Variants in SETBP1 observed in about 807,000 individuals in gnomAD.
The protein encoded by SETBP1 is SET binding protein 1.
SETBP1 carries 9 observed loss-of-function variants against 101.0 expected under a neutral mutation model. The ratio of observed to expected loss-of-function variants is 0.09; its 90% CI spans 0.05 to 0.16. The LOEUF (loss-of-function observed/expected upper bound fraction) is 0.16. Ranked by LOEUF, SETBP1 falls within the 10% of genes least tolerant of loss-of-function variation. SETBP1 has a pLI of 1.00. For missense variants in SETBP1, 1,858 were observed against 2,033.8 expected (o/e 0.91, Z 1.66); for synonymous variants, 818 against 788.5 (o/e 1.04, Z -0.63).
chr18:44,924,170 A>C (rs780628937), intron 3 of SETBP1, among the ~76,000 whole-genome samples: 2 of 152,188 alleles, frequency 1.3e-5, no homozygotes, highest in Non-Finnish European at 2.9e-5. Context: ...GCTTGCACTA[A>C]GAGGGCAACT....
At chr18:44,993,420 C>G (rs1485994309) in intron 4 of SETBP1, among the ~76,000 whole-genome samples, 1 of 151,890 alleles carries the variant, frequency 6.6e-6, no homozygotes, top group African/African-American at 2.4e-5. Flanking sequence ...AATATATAAA[C>G]AAGTTATCAA....
chr18:44,694,432 G>A (rs1357311237), intron 1 of SETBP1, among the ~76,000 whole-genome samples: 2 of 152,132 alleles, frequency 1.3e-5, no homozygotes, highest in East Asian at 1.9e-4. Context: ...GGCTGGTCTC[G>A]AACTCCTGAC....
At chr18:45,027,642 G>C (rs965500537) in intron 4 of SETBP1, among the ~76,000 whole-genome samples, 5 of 152,188 alleles carry the variant, frequency 3.3e-5, no homozygotes, top group Non-Finnish European at 5.9e-5. Context: ...CAATCACTAA[G>C]TGTAGTGCTA....
chr18:44,757,532 A>G (rs1249745828), intron 2 of SETBP1, among the ~76,000 whole-genome samples: 2 of 152,198 alleles, frequency 1.3e-5, no homozygotes, highest in Non-Finnish European at 2.9e-5. Flanking sequence ...CCTCCACTAC[A>G]GTTAACTGGA....
At chr18:45,033,412 C>A (rs527988055) in intron 4 of SETBP1, among the ~76,000 whole-genome samples, 1 of 152,276 alleles carries the variant, frequency 6.6e-6, no homozygotes, top group Admixed American at 6.5e-5. Flanking sequence ...GCCTCTTGTC[C>A]TCCACAGGGA....
rs2069195423 is a variant in SETBP1 at position 44,868,718 on chromosome 18, GGAAGGA to G, written c.487-511_487-506del. 4.8e-4 allele frequency among the ~76,000 whole-genome samples: 4 copies of G among 8,298 alleles called. 1 individual carries two copies. Among genetic ancestry groups the G allele is most frequent in the Non-Finnish European group, 2.2e-3 (4 of 1,838 alleles). 5.4% of individuals were successfully genotyped at this position (8,298 alleles called of 152,430 possible). A position where few individuals can be genotyped will look rare whatever the true frequency, so the allele number is the denominator to read the frequency against. On this transcript the variant is annotated intron_variant, in intron 2 of 5. Coordinates refer to ENST00000649279, the MANE Select transcript of SETBP1 (RefSeq NM_015559.3). Reference sequence around the variant, plus strand: ...AGAGAGGACGGAAGGAAGGGAGGAAGGAAGGAAGGAAGGAAGGAAGGAAGGAAGGAA... The same window carrying G: ...AGAGAGGACGGAAGGAAGGGAGGAAGAGGAAGGAAGGAAGGAAGGAAGGAA...
intron 2 of SETBP1, among the ~76,000 whole-genome samples, chr18:44,814,203 C>T (rs2071925383): frequency 6.6e-6 from 1 of 152,148 alleles, no homozygotes; most frequent in Non-Finnish European, 1.5e-5. Context: ...GTAGAATCTT[C>T]TAGAAACTAC....
At chr18:44,910,477 T>C (rs1278832686) in intron 3 of SETBP1, among the ~76,000 whole-genome samples, 1 of 152,168 alleles carries the variant, frequency 6.6e-6, no homozygotes, top group Non-Finnish European at 1.5e-5. Flanking sequence ...ACAACCTATT[T>C]CCCCTTCTGT....
At chr18:44,794,103 C>A (rs536338937) in intron 2 of SETBP1, among the ~76,000 whole-genome samples, 2 of 152,252 alleles carry the variant, frequency 1.3e-5, no homozygotes, top group Admixed American at 1.3e-4. Flanking sequence ...TAACAGCCTG[C>A]AGAGTATGAA....
intron 4 of SETBP1, among the ~76,000 whole-genome samples, chr18:45,037,238 C>A (rs187905174): frequency 2.6e-4 from 39 of 152,228 alleles, no homozygotes; most frequent in African/African-American, 9.1e-4. Flanking sequence ...GATTCACATA[C>A]CCTTAGCCTC....
chr18:45,063,159 A>G lies in SETBP1; in HGVS notation c.4252A>G (p.Thr1418Ala). 1 of 1,614,028 alleles carries G rather than the reference A, an allele frequency of 6.2e-7. No individual in the cohort carries two copies. The highest frequency in any genetic ancestry group is 8.5e-7 in the Non-Finnish European group (1 of 1,180,006). The part of the protein sequence containing the change: ...QCEVRKMCNY[T>A]KILSTKKNLD... ...CGAAGTGCGGAAGATGTGCAACTAC[A>G]CCAAGATCCTGTCCACCAAGAAGAA... Residue 1418 changes from threonine to alanine, a missense_variant, in exon 6 of 6, where the codon ACC becomes GCC. By Grantham distance (58) the Thr-to-Ala change is moderately conservative (BLOSUM62 0). Around this residue, in one of 12 missense-constraint regions of SETBP1, gnomAD observed 417 missense variants for 389.1 expected, o/e 1.07. Coordinates refer to ENST00000649279, the MANE Select transcript of SETBP1 (RefSeq NM_015559.3).
intron 2 of SETBP1, among the ~76,000 whole-genome samples, chr18:44,714,323 T>G (rs1599023914): frequency 1.3e-5 from 2 of 152,082 alleles, no homozygotes; most frequent in African/African-American, 2.4e-5. Flanking sequence ...CTCAGCCTCC[T>G]GAGTAGCTGG....
At chr18:44,978,351 A>G (rs994787811) in intron 4 of SETBP1, among the ~76,000 whole-genome samples, 3 of 152,122 alleles carry the variant, frequency 2.0e-5, no homozygotes, top group Non-Finnish European at 4.4e-5. Context: ...GGGCCCAGGG[A>G]TAAGTTGTCT....
intron 4 of SETBP1, among the ~76,000 whole-genome samples, chr18:45,009,563 C>T (rs769339149): frequency 1.3e-5 from 2 of 151,878 alleles, no homozygotes; most frequent in Non-Finnish European, 2.9e-5. Context: ...TGGGTTTGCT[C>T]AGGCCCTTGG....
chr18:45,026,314 A>G (rs1331037015), intron 4 of SETBP1, among the ~76,000 whole-genome samples: 1 of 152,154 alleles, frequency 6.6e-6, no homozygotes, highest in Non-Finnish European at 1.5e-5. Flanking sequence ...ACCTTTGAGC[A>G]CCAAGCCAGC....
At chr18:44,881,993 G>A (rs2069540429) in intron 3 of SETBP1, among the ~76,000 whole-genome samples, 1 of 152,190 alleles carries the variant, frequency 6.6e-6, no homozygotes, top group African/African-American at 2.4e-5. Flanking sequence ...GCTCTGGGCG[G>A]AGAGACTTGC....
At chr18:44,689,405 G>A (rs991713789) in intron 1 of SETBP1, among the ~76,000 whole-genome samples, 7 of 152,134 alleles carry the variant, frequency 4.6e-5, no homozygotes, top group Non-Finnish European at 1.0e-4. Context: ...AAAACCCAGG[G>A]CCCTCTATGT....
intron 2 of SETBP1, among the ~76,000 whole-genome samples, chr18:44,754,176 C>T (rs187178084): frequency 4.6e-5 from 7 of 152,336 alleles, no homozygotes; most frequent in Admixed American, 4.6e-4. Flanking sequence ...GTTTCCCAAT[C>T]ACTCTGCAGG....
chr18:44,998,088 G>T (rs1032062721), intron 4 of SETBP1, among the ~76,000 whole-genome samples: 1 of 152,232 alleles, frequency 6.6e-6, no homozygotes, highest in African/African-American at 2.4e-5. Context: ...TTAAAGAGAA[G>T]GGAGATTGGG....
Sources: gnomAD v4.1 joint callset for allele counts (sites outside exome capture counted in the v4.1 genomes callset) on GRCh38, gnomAD v4.1.1 for gene constraint, gnomAD v4.1.1 regional missense constraint, MANE v1.5 for transcripts, NCBI Gene and HGNC (gene_info 2026-07-23, HGNC 2026-07-21) for gene names.